The following NKX2-1 variants were observed in gnomAD, a reference collection of about 807,000 sequenced individuals.
NKX2-1 encodes homeobox protein Nkx-2.1.
A neutral mutation model predicts 35.1 loss-of-function variants in NKX2-1; 9 were observed. The observed-to-expected ratio is 0.26, with a 90% CI of 0.15 to 0.45. The LOEUF is 0.45. Among genes scored for constraint, NKX2-1 ranks in the 20% least tolerant of loss-of-function variants. The probability of loss-of-function intolerance (pLI) is 1.00; values close to 1 mark genes in which losing one functional copy is unlikely to be tolerated. For missense variants in NKX2-1, 509 were observed against 589.1 expected (o/e 0.86, Z 1.41); for synonymous variants, 284 against 269.9 (o/e 1.05, Z -0.51).
In NKX2-1 at chr14:36,517,051, T is replaced by C; in HGVS notation, c.*227A>G. On this transcript the variant is annotated 3_prime_UTR_variant, in exon 3 of 3. Coordinates refer to ENST00000354822, the MANE Select transcript of NKX2-1 (RefSeq NM_001079668.3). Reference sequence around the variant, plus strand: ...TTGAGATTGGATGCGCTTGGTTGTTTTTCATTTTCTTTTTTTAAAAAAAAA... The same window carrying C: ...TTGAGATTGGATGCGCTTGGTTGTTCTTCATTTTCTTTTTTTAAAAAAAAA... The C allele has an allele frequency of 2.3e-6, 2 of 870,802 alleles. No individual in the cohort carries two copies. Among genetic ancestry groups the C allele is most frequent in the Non-Finnish European group, 3.3e-6 (2 of 599,496 alleles). The allele number at this position is 870,802 out of a possible 1,614,324, so 53.9% of individuals were successfully genotyped here. A position where few individuals can be genotyped will look rare whatever the true frequency, so the allele number is the denominator to read the frequency against.
chr14:36,518,498 C>T (rs1881165262), intron 2 of NKX2-1, among the ~76,000 whole-genome samples: 2 of 152,162 alleles, frequency 1.3e-5, no homozygotes, highest in African/African-American at 4.8e-5. Context: ...CCTGTCAGGC[C>T]CCAGTGAGGG....
Position 36,517,232 on chromosome 14 carries a change from G to A in NKX2-1, c.*46C>T, listed in dbSNP as rs374569055. 1 of 1,573,164 alleles carries A rather than the reference G, an allele frequency of 6.4e-7. No individual in the cohort carries two copies. The highest frequency in any genetic ancestry group is 8.6e-7 in the Non-Finnish European group (1 of 1,160,892). ...GGTGGTCTGTGTGGCGGGCAGGAGG[G>A]AAGCGGTGAGGCAGAGCGCTGGGCT... On this transcript the variant is annotated 3_prime_UTR_variant, in exon 3 of 3. Transcript: ENST00000354822.
At position 36,519,279 on chromosome 14, in the gene NKX2-1, C is replaced by G; in HGVS notation, c.169G>C (p.Val57Leu). 6.2e-7 allele frequency: 1 copy of G among 1,612,730 alleles called. No homozygotes were observed. The highest frequency in any genetic ancestry group is 1.7e-5 in the Admixed American group (1 of 59,994). ...LSPLEESYKKVGMEGGGLGAP... is the reference protein window; with the variant it reads ...LSPLEESYKKLGMEGGGLGAP... ...CCGAGGCCGCCGCCCTCCATGCCCA[C>G]TTTCTTGTAGCTTTCCTCCAGGGGA... Residue 57 changes from valine to leucine, a missense_variant, in exon 2 of 3, where the codon GTG becomes CTG. Val to Leu is a conservative substitution (Grantham distance 32). Around this residue, in one of 5 missense-constraint regions of NKX2-1, gnomAD observed 271 missense variants for 284.1 expected, o/e 0.95. Coordinates refer to ENST00000354822, the MANE Select transcript of NKX2-1 (RefSeq NM_001079668.3).
chr14:36,517,298 G>A lies in NKX2-1; in HGVS notation c.1186C>T (p.Leu396=), dbSNP rs1464843135. ...TCCTCTCACCAGGTCCGACCGTATAGCAAGGTGGAGCAGGACATGGTGCCG... is the reference window on the plus strand; with the variant it reads ...TCCTCTCACCAGGTCCGACCGTATAACAAGGTGGAGCAGGACATGGTGCCG... The part of the protein sequence containing the change: ...DYGTMSCSTL[L]YGRTW The change falls in exon 3 of 3, where the codon CTA becomes TTA. Residue 396 remains leucine (L), a synonymous_variant. Transcript: ENST00000354822. 1.2e-6 allele frequency: 2 copies of A among 1,610,424 alleles called. No individual in the cohort carries two copies. Among genetic ancestry groups the A allele is most frequent in the South Asian group, 1.1e-5 (1 of 89,762 alleles).
intron 2 of NKX2-1, among the ~76,000 whole-genome samples, chr14:36,518,719 G>A (rs907799748): frequency 1.3e-5 from 2 of 152,200 alleles, no homozygotes; most frequent in African/African-American, 4.8e-5. Flanking sequence ...TCTGCGCCGA[G>A]CAGAGCTGCC....
Position 36,517,346 on chromosome 14 carries a change from G to T in NKX2-1, c.1138C>A (p.Leu380Met). The T allele has an allele frequency of 1.9e-6, 3 of 1,611,452 alleles. No homozygotes were observed. The highest frequency in any genetic ancestry group is 1.7e-6 in the Non-Finnish European group (2 of 1,179,560). The change falls in exon 3 of 3, where the codon CTG becomes ATG. Residue 380 changes from leucine (L) to methionine (M), a missense_variant. Leu to Met is a conservative substitution (Grantham distance 15, BLOSUM62 2). Coordinates refer to ENST00000354822, the MANE Select transcript of NKX2-1 (RefSeq NM_001079668.3). ...LQGQVSSLSH[L>M]NSSGSDYGTM... ...CCGTAGTCCGAGCCCGAGGAGTTCA[G>T]GTGGGACAGGCTGGATACCTGGCCC...
At chr14:36,519,723 A>AAGAG (rs149047715) in intron 1 of NKX2-1, 84 of 1,450,536 alleles carry the variant, frequency 5.8e-5, no homozygotes, top group Middle Eastern at 5.4e-4. Context: ...TTAGGTCTCA[A>AAGAG]AGAGAGAGAG....
chr14:36,517,910 T>C lies in NKX2-1; in HGVS notation c.574A>G (p.Arg192Gly). 6.2e-7 allele frequency: 1 copy of C among 1,609,348 alleles called. No homozygotes were observed. The highest frequency in any genetic ancestry group is 1.3e-5 in the African/African-American group (1 of 75,050). Residue 192 changes from arginine to glycine, a missense_variant, in exon 3 of 3, where the codon AGG (arginine) becomes GGG (glycine). By Grantham distance (125) the Arg-to-Gly change is moderately radical. This residue lies in a region of NKX2-1 where 271 missense variants were observed against 284.1 expected (regional missense o/e 0.95). Transcript: ENST00000354822. ...NMAPLPSAPR[R>G]KRRVLFSQAQ... ...TGCGAGAAGAGCACCCGGCGCTTCC[T>C]GCGCGGCGCGCTTGGCAGCGGGGCC...
In NKX2-1 at chr14:36,516,817, C is replaced by CA. The variant is rs5807883; in HGVS notation, c.*460dup. ...CTCTCCCCAGCTCCCGTCCTCCCTT[C>CA]AAAAAAAAAAAAAAATCCTGGTATT... On this transcript the variant is annotated 3_prime_UTR_variant, in exon 3 of 3. Coordinates refer to ENST00000354822, the MANE Select transcript of NKX2-1 (RefSeq NM_001079668.3). 84,851 of 215,556 alleles carry CA rather than the reference C, an allele frequency of 0.39. 12,526 individuals carry two copies. The highest frequency in any genetic ancestry group is 0.46 in the East Asian group (6,971 of 15,074). The allele number at this position is 215,556 out of a possible 1,614,324, so 13.4% of individuals were successfully genotyped here.
At chr14:36,519,990 G>A (rs1881274194) in intron 1 of NKX2-1, 63 bp downstream of exon 1, 4 of 1,605,076 alleles carry the variant, frequency 2.5e-6, no homozygotes, top group Non-Finnish European at 3.4e-6. Context: ...ATTCGGTCGG[G>A]GTTCCCCGGG....
In NKX2-1 at chr14:36,517,738, T is replaced by A. The variant is rs754408572; in HGVS notation, c.746A>T (p.Gln249Leu). 3 of 1,610,428 alleles carry A rather than the reference T, an allele frequency of 1.9e-6. No homozygotes were observed. In the Admixed American group the frequency reaches 5.0e-5, roughly 27 times the overall value. Residue 249 changes from glutamine (Q) to leucine (L), a missense_variant, in exon 3 of 3, where the codon CAG (glutamine) becomes CTG (leucine). Coordinates refer to ENST00000354822, the MANE Select transcript of NKX2-1 (RefSeq NM_001079668.3). ...FQNHRYKMKRQAKDKAAQQQL... is the reference protein window; with the variant it reads ...FQNHRYKMKRLAKDKAAQQQL... Reference sequence around the variant, plus strand: ...CTGCTGCGCCGCCTTGTCCTTGGCCTGGCGCTTCATTTTGTAGCGGTGGTT... The same window carrying A: ...CTGCTGCGCCGCCTTGTCCTTGGCCAGGCGCTTCATTTTGTAGCGGTGGTT...
chr14:36,516,734 C>G lies in NKX2-1; in HGVS notation c.*544G>C, dbSNP rs886050478. ...CTGAGCCTAGGCGGCCAGAGGGTGC[C>G]GGGGAGGGGGCACTTCCTTTGTGTC... On this transcript the variant is annotated 3_prime_UTR_variant, in exon 3 of 3. Coordinates refer to ENST00000354822, the MANE Select transcript of NKX2-1 (RefSeq NM_001079668.3). 4.3e-6 allele frequency: 1 copy of G among 232,574 alleles called. No individual in the cohort carries two copies. The highest frequency in any genetic ancestry group is 2.2e-5 in the African/African-American group (1 of 45,096). The allele number at this position is 232,574 out of a possible 1,614,324, so 14.4% of individuals were successfully genotyped here.
In NKX2-1 at chr14:36,517,137, T is replaced by G. The variant is rs1881061161; in HGVS notation, c.*141A>C. 7.1e-7 allele frequency: 1 copy of G among 1,407,662 alleles called. No homozygotes were observed. Among genetic ancestry groups the G allele is most frequent in the Non-Finnish European group, 9.3e-7 (1 of 1,073,074 alleles). 87.2% of individuals were successfully genotyped at this position (1,407,662 alleles called of 1,614,324 possible). A position where few individuals can be genotyped will look rare whatever the true frequency, so the allele number is the denominator to read the frequency against. ...CGTCCAGCAGTTTGGCCTTTGTGGT[T>G]TTTTTGTTCCTTGGTCTAAACGCGG... On this transcript the variant is annotated 3_prime_UTR_variant, in exon 3 of 3. Transcript: ENST00000354822.
chr14:36,517,061 T>C lies in NKX2-1; in HGVS notation c.*217A>G. The C allele has an allele frequency of 2.4e-6, 2 of 845,734 alleles. No individual in the cohort carries two copies. Among genetic ancestry groups the C allele is most frequent in the South Asian group, 2.0e-5 (1 of 49,624 alleles). 52.4% of individuals were successfully genotyped at this position (845,734 alleles called of 1,614,324 possible). ...ATGCGCTTGGTTGTTTTTCATTTTC[T>C]TTTTTTAAAAAAAAAAACCCACAAA... On this transcript the variant is annotated 3_prime_UTR_variant, in exon 3 of 3. Transcript: ENST00000354822.
intron 2 of NKX2-1, among the ~76,000 whole-genome samples, chr14:36,518,402 G>A (rs1881158980): frequency 6.6e-6 from 1 of 152,166 alleles, no homozygotes; most frequent in East Asian, 1.9e-4. Flanking sequence ...GGGTCCTACG[G>A]TAGACCCCAG....
Position 36,519,124 on chromosome 14 carries a change from G to A in NKX2-1, c.324C>T (p.Leu108=), listed in dbSNP as rs779655723. Residue 108 remains leucine (L), a synonymous_variant, in exon 2 of 3, where the codon CTC becomes CTT. Coordinates refer to ENST00000354822, the MANE Select transcript of NKX2-1 (RefSeq NM_001079668.3). The part of the protein sequence containing the change: ...YHMTAAGVPQ[L]SHSAVGGYCN... ...AGTAGCCCCCCACGGCGGAGTGCGA[G>A]AGCTGGGGCACCCCCGCCGCCGTCA... 4.2e-5 allele frequency: 68 copies of A among 1,606,406 alleles called. No homozygotes were observed. In the South Asian group the frequency reaches 5.3e-4, roughly 12 times the overall value.
chr14:36,518,795 G>T (rs987870709), intron 2 of NKX2-1, among the ~76,000 whole-genome samples, 190 bp downstream of exon 2: 1 of 152,200 alleles, frequency 6.6e-6, no homozygotes, highest in African/African-American at 2.4e-5. Flanking sequence ...GCTACCAAGT[G>T]CCTGTTCTTG....
intron 1 of NKX2-1, 162 bp from the exon 2 acceptor site, chr14:36,519,532 A>G: frequency 6.5e-7 from 1 of 1,535,778 alleles, no homozygotes; most frequent in South Asian, 1.2e-5. Flanking sequence ...AATTGGCTTG[A>G]GTGGAGGCTC....
In NKX2-1 at chr14:36,517,580, C is replaced by T; in HGVS notation, c.904G>A (p.Ala302Thr). 6.6e-7 allele frequency: 1 copy of T among 1,511,038 alleles called. No individual in the cohort carries two copies. The highest frequency in any genetic ancestry group is 1.2e-5 in the South Asian group (1 of 80,300). 93.6% of individuals were successfully genotyped at this position (1,511,038 alleles called of 1,614,324 possible). A position where few individuals can be genotyped will look rare whatever the true frequency, so the allele number is the denominator to read the frequency against. ...GCGGCGCCCGGCGCGGGGGCACCCG[C>T]CTGGCACGGTTTGCCGTCTTTCACC... The part of the protein sequence containing the change: ...VLVKDGKPCQ[A>T]GAPAPGAASL... The change falls in exon 3 of 3, where the codon GCG becomes ACG. Residue 302 changes from alanine to threonine, a missense_variant. Physicochemically the swap from Ala to Thr is moderately conservative, Grantham distance 58. This residue lies in a region of NKX2-1 where 212 missense variants were observed against 227.7 expected (regional missense o/e 0.93). Coordinates refer to ENST00000354822, the MANE Select transcript of NKX2-1 (RefSeq NM_001079668.3).
Sources: gnomAD v4.1 joint callset for allele counts (sites outside exome capture counted in the v4.1 genomes callset) on GRCh38, gnomAD v4.1.1 for gene constraint, gnomAD v4.1.1 regional missense constraint, MANE v1.5 for transcripts, NCBI Gene and HGNC (gene_info 2026-07-23, HGNC 2026-07-21) for gene names.